The following RORA variants were observed in gnomAD, a reference collection of about 807,000 sequenced individuals.
RORA encodes nuclear receptor ROR-alpha.
Under a neutral mutation model 69.5 loss-of-function variants are expected in RORA, and 7 were observed. The observed-to-expected ratio is 0.10, with a 90% CI of 0.06 to 0.19. The LOEUF is 0.19. RORA is among the 10% of genes least tolerant of loss of function. The pLI is 1.00. For missense variants in RORA, 457 were observed against 663.0 expected (o/e 0.69, Z 3.41); for synonymous variants, 261 against 240.8 (o/e 1.08, Z -0.78).
intron 2 of RORA, chr15:60,627,232 T>C (rs2069608354): frequency 6.2e-7 from 1 of 1,614,026 alleles, no homozygotes; most frequent in Non-Finnish European, 8.5e-7. Context: ...TCTCAGTGGC[T>C]CTTACCTTCT....
At chr15:60,579,336 A>G (rs562403764) in intron 2 of RORA, among the ~76,000 whole-genome samples, 16 of 152,156 alleles carry the variant, frequency 1.1e-4, no homozygotes, top group Non-Finnish European at 1.8e-4. Flanking sequence ...GAAGACCACT[A>G]CTGTAGAGGA....
chr15:61,204,072 C>T (rs1167402490), intron 1 of RORA, among the ~76,000 whole-genome samples: 1 of 152,224 alleles, frequency 6.6e-6, no homozygotes, highest in Non-Finnish European at 1.5e-5. Context: ...AGGAGCTCAA[C>T]ACTGTGAATT....
intron 1 of RORA, among the ~76,000 whole-genome samples, chr15:60,945,482 G>A (rs1247580250): frequency 6.6e-6 from 1 of 152,108 alleles, no homozygotes; most frequent in Non-Finnish European, 1.5e-5. Flanking sequence ...TGATGGAAAG[G>A]ATAAGGCTCT....
chr15:60,690,935 C>T (rs891391858), intron 1 of RORA, among the ~76,000 whole-genome samples: 6 of 152,124 alleles, frequency 3.9e-5, no homozygotes, highest in Non-Finnish European at 5.9e-5. Context: ...ACTATAAATC[C>T]GATCACATCA....
At chr15:60,811,099 A>C (rs907804784) in intron 1 of RORA, among the ~76,000 whole-genome samples, 2 of 152,180 alleles carry the variant, frequency 1.3e-5, no homozygotes, top group Non-Finnish European at 2.9e-5. Flanking sequence ...CCTATGTCTT[A>C]ACCCCACTGT....
At chr15:61,177,310 C>T (rs1372380258) in intron 1 of RORA, among the ~76,000 whole-genome samples, 8 of 152,090 alleles carry the variant, frequency 5.3e-5, no homozygotes, top group African/African-American at 1.9e-4. Flanking sequence ...TCCAGAAATG[C>T]GTGCTTAGAA....
intron 2 of RORA, among the ~76,000 whole-genome samples, chr15:60,564,058 A>G (rs775441047): frequency 6.6e-6 from 1 of 152,214 alleles, no homozygotes; most frequent in Non-Finnish European, 1.5e-5. Flanking sequence ...TTATATCCAG[A>G]TAATGAATCC....
At chr15:61,017,418 G>C (rs1239058966) in intron 1 of RORA, among the ~76,000 whole-genome samples, 1 of 152,136 alleles carries the variant, frequency 6.6e-6, no homozygotes, top group African/African-American at 2.4e-5. Context: ...GATATGCTGA[G>C]AGCCTAATTA....
At chr15:60,929,221 T>C (rs1892304232) in intron 1 of RORA, among the ~76,000 whole-genome samples, 2 of 152,190 alleles carry the variant, frequency 1.3e-5, no homozygotes, top group African/African-American at 2.4e-5. Context: ...CAAGCGCTCA[T>C]TCACAGTCTG....
rs567539456 is a variant in RORA at position 60,571,163 on chromosome 15, G to A, written c.197-39312C>T. 8.0e-5 allele frequency among the ~76,000 whole-genome samples: 12 copies of A among 150,370 alleles called. 1 individual carries two copies. Among genetic ancestry groups the A allele is most frequent in the African/African-American group, 2.2e-4 (9 of 40,758 alleles). On this transcript the variant is annotated intron_variant, in intron 2 of 10. Transcript: ENST00000335670. ...CTGTTCTTGCTATTTTTTTTTTCCC[G>A]GGGAGTGTAGTAATTTCGATGTGCC...
chr15:60,676,873 C>G (rs538550852), intron 2 of RORA, among the ~76,000 whole-genome samples: 1 of 152,190 alleles, frequency 6.6e-6, no homozygotes, highest in South Asian at 2.1e-4. Flanking sequence ...TCGAATGTCT[C>G]TCTTTATATG....
At chr15:60,971,738 C>T (rs576418614) in intron 1 of RORA, among the ~76,000 whole-genome samples, 8 of 152,336 alleles carry the variant, frequency 5.3e-5, no homozygotes, top group East Asian at 1.9e-4. Context: ...AAAGACCCTG[C>T]GGAGGTGTTC....
chr15:60,925,243 T>C (rs1314712940), intron 1 of RORA, among the ~76,000 whole-genome samples: 1 of 152,182 alleles, frequency 6.6e-6, no homozygotes, highest in African/African-American at 2.4e-5. Flanking sequence ...TGGCATTTTT[T>C]GAAAGTTGTC....
intron 1 of RORA, among the ~76,000 whole-genome samples, chr15:60,940,715 CAGAAGATTG>C (rs1239448730): frequency 2.6e-5 from 4 of 152,124 alleles, no homozygotes; most frequent in Non-Finnish European, 5.9e-5. Context: ...ATCACGAGGT[CAGAAGATTG>C]AGACCATCCT....
rs116652599 is a variant in RORA at position 61,048,235 on chromosome 15, G to C, written c.166+180818C>G. ...TACTGATGAAATTATATGCAGGTCT[G>C]CTTGGCCTGTTCTCATGCGTAAGCC... On this transcript the variant is annotated intron_variant, in intron 1 of 10. Transcript: ENST00000335670. Among the ~76,000 whole-genome samples, 511 of 152,306 alleles carry C rather than the reference G, an allele frequency of 3.4e-3. 3 individuals carry two copies. The highest frequency in any genetic ancestry group is 0.012 in the African/African-American group (489 of 41,550).
At chr15:60,837,706 C>A (rs1275279610) in intron 1 of RORA, among the ~76,000 whole-genome samples, 2 of 150,640 alleles carry the variant, frequency 1.3e-5, no homozygotes, top group African/African-American at 4.9e-5. Context: ...AAGAGCTCAC[C>A]GGGGACACAG....
At chr15:60,989,654 G>A (rs576640316) in intron 1 of RORA, among the ~76,000 whole-genome samples, 1 of 152,326 alleles carries the variant, frequency 6.6e-6, no homozygotes, top group East Asian at 1.9e-4. Context: ...TAGCTTGTTC[G>A]TGGTAGAGTC....
rs28572480 is a variant in RORA, at chr15:60,616,737, C to T, written c.196+61920G>A. The stretch of plus-strand genomic sequence containing the variant: ...TCCCTGAGTAATCTTGTGCGTTGCA[C>T]AAATAAGAATGATCATACCTGCGTT... On this transcript the variant is annotated intron_variant, in intron 2 of 10. Coordinates refer to ENST00000335670, the MANE Select transcript of RORA (RefSeq NM_134261.3). Among the ~76,000 whole-genome samples the T allele has an allele frequency of 3.8e-3, 575 of 152,288 alleles. 7 individuals carry two copies. The highest frequency in any genetic ancestry group is 0.012 in the African/African-American group (511 of 41,556).
intron 1 of RORA, among the ~76,000 whole-genome samples, chr15:61,102,504 G>A (rs1162189430): frequency 6.6e-6 from 1 of 152,130 alleles, no homozygotes; most frequent in African/African-American, 2.4e-5. Context: ...CTCTGCTCCA[G>A]GCCCCTGACA....
Sources: gnomAD v4.1 joint callset for allele counts (sites outside exome capture counted in the v4.1 genomes callset) on GRCh38, gnomAD v4.1.1 for gene constraint, MANE v1.5 for transcripts, NCBI Gene and HGNC (gene_info 2026-07-23, HGNC 2026-07-21) for gene names.